The following UBR2 variants were observed in gnomAD, a reference collection of about 807,000 sequenced individuals.
UBR2 encodes the protein E3 ubiquitin-protein ligase UBR2.
In UBR2, 92 loss-of-function variants were observed where a neutral mutation model predicts 247.9. The ratio of observed to expected loss-of-function variants is 0.37; its 90% confidence interval spans 0.31 to 0.44. The LOEUF (loss-of-function observed/expected upper bound fraction) is 0.44, where lower values mean the gene tolerates loss of function less well. Ranked by LOEUF, UBR2 falls within the 20% of genes least tolerant of loss-of-function variation. UBR2 has a pLI of 1.00. For synonymous variants in UBR2, 672 were observed against 693.5 expected (o/e 0.97, Z 0.49); for missense variants, 1,613 against 2,112.6 (o/e 0.76, Z 4.64).
chr6:42,663,205 T>G (rs1582681285), intron 31 of UBR2, 53 bp from the exon 32 acceptor site: 4 of 1,396,322 alleles, frequency 2.9e-6, no homozygotes. Context: ...CTTATGGCTG[T>G]CATTTATGTA....
In UBR2 at chr6:42,564,271, G is replaced by A; in HGVS notation, c.-49G>A. ...TCGAGGCCGCCGGGGCCGAGGTGAG[G>A]CTGCAGCTCTCCGGGCGGCGGTAGC... On this transcript the variant is annotated 5_prime_UTR_variant, in exon 1 of 47. Coordinates refer to ENST00000372901, the MANE Select transcript of UBR2 (RefSeq NM_001363705.2). 8 of 1,581,968 alleles carry A rather than the reference G, an allele frequency of 5.1e-6. No homozygotes were observed. Among genetic ancestry groups the A allele is most frequent in the Non-Finnish European group, 6.9e-6 (8 of 1,165,190 alleles).
At chr6:42,661,893 C>T (rs1339177675) in intron 30 of UBR2, among the ~76,000 whole-genome samples, 1 of 152,150 alleles carries the variant, frequency 6.6e-6, no homozygotes. Flanking sequence ...TCTCAGCACC[C>T]TGAAAGTGTG....
At chr6:42,664,873 C>G (rs1798021672) in intron 32 of UBR2, among the ~76,000 whole-genome samples, 1 of 152,128 alleles carries the variant, frequency 6.6e-6, no homozygotes, top group Admixed American at 6.6e-5. Flanking sequence ...TCTGACAGAG[C>G]CAAGTTTGAA....
At chr6:42,581,191 CT>C (rs58940824) in intron 2 of UBR2, among the ~76,000 whole-genome samples, 3,880 of 142,894 alleles carry the variant, frequency 0.027, 168 homozygotes, top group African/African-American at 0.094. Context: ...TTTCTTTTTC[CT>C]TTTTTTTTTT....
At chr6:42,686,207 C>G in intron 44 of UBR2, among the ~76,000 whole-genome samples, 1 of 151,894 alleles carries the variant, frequency 6.6e-6, no homozygotes, top group Non-Finnish European at 1.5e-5. Flanking sequence ...TCTGGTTTTC[C>G]TAGGCAGAGG....
chr6:42,660,975 G>T (rs1208409567), intron 30 of UBR2, among the ~76,000 whole-genome samples: 6 of 128,998 alleles, frequency 4.7e-5, no homozygotes, highest in South Asian at 2.6e-4. Context: ...TGGTTTTTTT[G>T]TTTGTTTGTT....
chr6:42,632,649 T>G lies in UBR2; in HGVS notation c.1379T>G (p.Phe460Cys). The G allele has an allele frequency of 1.2e-6, 2 of 1,613,756 alleles. No homozygotes were observed. The highest frequency in any genetic ancestry group is 1.7e-6 in the Non-Finnish European group (2 of 1,179,858). Residue 460 changes from phenylalanine (F) to cysteine (C), a missense_variant, in exon 12 of 47, where the codon TTT (phenylalanine) becomes TGT (cysteine). By Grantham distance (205) the Phe-to-Cys change is radical (BLOSUM62 -2). This residue lies in a region of UBR2 where 1,524 missense variants were observed against 1,967.3 expected (regional missense o/e 0.77). Transcript: ENST00000372901. Reference protein sequence around the residue: ...RHRDAQGRFQFERYTALQAFK... With the variant: ...RHRDAQGRFQCERYTALQAFK... ...CGAGATGCCCAGGGCAGATTTCAGT[T>G]TGAACGATACACTGCTTTACAAGCC...
chr6:42,678,005 G>A (rs1043565194), intron 40 of UBR2, among the ~76,000 whole-genome samples: 2 of 151,982 alleles, frequency 1.3e-5, no homozygotes, highest in African/African-American at 2.4e-5. Flanking sequence ...GTCCAGCCTG[G>A]ACAACTTTTC....
At chr6:42,653,606 CTTTTTTTTTT>C (rs72460060) in intron 25 of UBR2, among the ~76,000 whole-genome samples, 3 of 50,582 alleles carry the variant, frequency 5.9e-5, no homozygotes, top group African/African-American at 1.8e-4. Context: ...ATGCTAAGCC[CTTTTTTTTTT>C]TTTTTTTTTT....
At chr6:42,682,414 A>G (rs1201522176) in intron 42 of UBR2, among the ~76,000 whole-genome samples, 1 of 151,454 alleles carries the variant, frequency 6.6e-6, no homozygotes, top group East Asian at 1.9e-4. Context: ...TTTATGTTAT[A>G]TATATTTTAC....
At chr6:42,651,286 A>G (rs914378327) in intron 23 of UBR2, among the ~76,000 whole-genome samples, 3 of 152,060 alleles carry the variant, frequency 2.0e-5, no homozygotes, top group African/African-American at 7.2e-5. Flanking sequence ...AATAAACAGC[A>G]TTAAATAAAA....
chr6:42,686,127 G>T (rs560598625), intron 44 of UBR2, among the ~76,000 whole-genome samples: 2 of 151,682 alleles, frequency 1.3e-5, no homozygotes, highest in African/African-American at 4.9e-5. Flanking sequence ...TTTCTCGGAG[G>T]GGGGGATTTG....
intron 2 of UBR2, among the ~76,000 whole-genome samples, chr6:42,587,555 A>G (rs1212188336): frequency 6.6e-6 from 1 of 151,958 alleles, no homozygotes; most frequent in African/African-American, 2.4e-5. Context: ...ATGGGGTCTC[A>G]CCGTGTTGCC....
At chr6:42,627,229 G>A (rs1002283781) in intron 11 of UBR2, among the ~76,000 whole-genome samples, 1 of 152,142 alleles carries the variant, frequency 6.6e-6, no homozygotes, top group Non-Finnish European at 1.5e-5. Flanking sequence ...AGATAAGCCA[G>A]TTTACCAGTC....
At chr6:42,599,395 G>C (rs1176697872) in intron 4 of UBR2, among the ~76,000 whole-genome samples, 1 of 152,042 alleles carries the variant, frequency 6.6e-6, no homozygotes, top group Non-Finnish European at 1.5e-5. Flanking sequence ...GCCTGGATGA[G>C]AGAGACCCTC....
At position 42,606,773 on chromosome 6, in the gene UBR2, A is replaced by G. The variant is rs572357269; in HGVS notation, c.864+122A>G. On this transcript the variant is annotated intron_variant, in intron 7 of 46. Coordinates refer to ENST00000372901, the MANE Select transcript of UBR2 (RefSeq NM_001363705.2). ...TGAAAACCAAAAATTATGTTTAAAG[A>G]TAATGTTTCTTAAATATTGCATTAT... is the stretch of plus-strand genomic sequence containing the variant. The G allele has an allele frequency of 1.7e-5, 13 of 767,196 alleles. No individual in the cohort carries two copies. The South Asian group carries it at 2.6e-4, about 16-fold the overall frequency. The allele number at this position is 767,196 out of a possible 1,614,324, so 47.5% of individuals were successfully genotyped here.
chr6:42,642,484 A>G lies in UBR2; in HGVS notation c.2097+3A>G. The G allele has an allele frequency of 6.2e-7, 1 of 1,607,120 alleles. No homozygotes were observed. Among genetic ancestry groups the G allele is most frequent in the Non-Finnish European group, 8.5e-7 (1 of 1,174,470 alleles). ...ACAAGGATGTAGTAATGCTTCAGGT[A>G]ATGAATTAAAAGCATTGAACTTAAA... On this transcript the variant is annotated splice_donor_region_variant and intron_variant, in intron 18 of 46. Coordinates refer to ENST00000372901, the MANE Select transcript of UBR2 (RefSeq NM_001363705.2).
intron 4 of UBR2, among the ~76,000 whole-genome samples, chr6:42,599,634 T>G (rs71560771): frequency 6.6e-6 from 1 of 151,158 alleles, no homozygotes; most frequent in Non-Finnish European, 1.5e-5. Flanking sequence ...GTTGTTGTTG[T>G]TATGCTTTTG....
intron 42 of UBR2, among the ~76,000 whole-genome samples, chr6:42,682,579 C>T (rs1799121165): frequency 6.6e-6 from 1 of 152,066 alleles, no homozygotes; most frequent in Admixed American, 6.5e-5. Context: ...GCCACCACAC[C>T]CAGCTAATTT....
Sources: allele counts gnomAD v4.1 joint callset (sites outside exome capture counted in the v4.1 genomes callset), GRCh38; gene constraint gnomAD v4.1.1; regional missense constraint gnomAD v4.1.1; transcripts MANE v1.5; gene names NCBI Gene and HGNC (gene_info 2026-07-23, HGNC 2026-07-21).